SGCZ: variants seen among roughly 807,000 people sequenced by gnomAD.
SGCZ encodes zeta-sarcoglycan.
Under a neutral mutation model 41.3 loss-of-function variants are expected in SGCZ, and 40 were observed. That is an observed-to-expected ratio of 0.97 (90% CI 0.75 to 1.26). The LOEUF is 1.26. Among genes scored for constraint, SGCZ ranks in the 50% most tolerant of loss-of-function variants. The pLI is 0.00. For synonymous variants in SGCZ, 206 were observed against 137.5 expected, an observed-to-expected ratio of 1.50 and a Z score of -3.49; for missense variants, 552 against 369.8, an observed-to-expected ratio of 1.49 and a Z score of -4.04.
intron 1 of SGCZ, among the ~76,000 whole-genome samples, chr8:14,674,938 T>C (rs1475314932): frequency 9.3e-6 from 1 of 107,834 alleles, no homozygotes; most frequent in African/African-American, 4.9e-5. Flanking sequence ...GTTTTTTTTT[T>C]TTTTTTTTTT....
intron 1 of SGCZ, among the ~76,000 whole-genome samples, chr8:14,699,466 T>G (rs559294591): frequency 8.6e-5 from 13 of 151,660 alleles, no homozygotes; most frequent in Non-Finnish European, 1.8e-4. Flanking sequence ...AAAAATGTAC[T>G]CAAAATAGAT....
chr8:14,693,972 A>G (rs1323230021), intron 1 of SGCZ, among the ~76,000 whole-genome samples: 2 of 152,192 alleles, frequency 1.3e-5, no homozygotes, highest in Admixed American at 1.3e-4. Context: ...AGTTATGACC[A>G]AGTTTCCACA....
At chr8:14,400,431 T>C (rs1799039389) in intron 2 of SGCZ, among the ~76,000 whole-genome samples, 1 of 152,128 alleles carries the variant, frequency 6.6e-6, no homozygotes, top group Non-Finnish European at 1.5e-5. Context: ...CTATAAAGAA[T>C]AATACATATA....
At chr8:14,343,483 C>G (rs538531929) in intron 2 of SGCZ, among the ~76,000 whole-genome samples, 7 of 152,310 alleles carry the variant, frequency 4.6e-5, no homozygotes, top group East Asian at 1.9e-4. Context: ...AACTTGGACT[C>G]TACGTATGTT....
At chr8:15,083,970 A>G (rs1031008858) in intron 1 of SGCZ, among the ~76,000 whole-genome samples, 15 of 148,978 alleles carry the variant, frequency 1.0e-4, no homozygotes, top group African/African-American at 2.8e-4. Flanking sequence ...AGTCCTTTAC[A>G]TTCAGTTATC....
At chr8:14,138,732 G>A (rs557484129) in intron 5 of SGCZ, among the ~76,000 whole-genome samples, 6 of 152,116 alleles carry the variant, frequency 3.9e-5, no homozygotes, top group African/African-American at 1.4e-4. Flanking sequence ...ACTCTCACAC[G>A]ATAATAATGG....
At chr8:15,196,914 C>G (rs966764145) in intron 1 of SGCZ, among the ~76,000 whole-genome samples, 1 of 152,118 alleles carries the variant, frequency 6.6e-6, no homozygotes, top group Non-Finnish European at 1.5e-5. Context: ...AGCTGGAGCC[C>G]GTATGTTTTT....
intron 1 of SGCZ, among the ~76,000 whole-genome samples, chr8:14,916,846 G>C (rs527488939): frequency 6.6e-6 from 1 of 151,932 alleles, no homozygotes; most frequent in Admixed American, 6.6e-5. Flanking sequence ...AAAAATAGAC[G>C]CATAGTTATT....
chr8:14,554,920 G>T lies in SGCZ; in HGVS notation c.46C>A (p.Arg16=), dbSNP rs1461105143. 1 of 1,537,850 alleles carries T rather than the reference G, an allele frequency of 6.5e-7. No homozygotes were observed. The highest frequency in any genetic ancestry group is 2.3e-5 in the East Asian group (1 of 43,162). The change falls in exon 2 of 8, where the codon CGA becomes AGA. Residue 16 remains arginine (R), a synonymous_variant. Coordinates refer to ENST00000382080, the MANE Select transcript of SGCZ (RefSeq NM_139167.4). ...NLDIEELKMT[R]EQYILATQQN... is the part of the protein sequence containing the mutation. Reference sequence around the variant, plus strand: ...TGGGTTGCTAGTATGTATTGTTCTCGTGTCATCTGAAAAAGAAAAAAGAAA... The same window carrying T: ...TGGGTTGCTAGTATGTATTGTTCTCTTGTCATCTGAAAAAGAAAAAAGAAA...
intron 1 of SGCZ, among the ~76,000 whole-genome samples, chr8:15,078,720 T>C (rs112825996): frequency 3.1e-4 from 46 of 148,174 alleles, no homozygotes; most frequent in African/African-American, 1.2e-3. Context: ...TGTATATATA[T>C]ACACAAATAT....
At chr8:14,729,922 T>TA in intron 1 of SGCZ, among the ~76,000 whole-genome samples, 1 of 152,158 alleles carries the variant, frequency 6.6e-6, no homozygotes, top group African/African-American at 2.4e-5. Context: ...CCATCTCTAC[T>TA]AAAAATACAG....
chr8:14,824,336 T>C (rs1281909053), intron 1 of SGCZ, among the ~76,000 whole-genome samples: 2 of 152,122 alleles, frequency 1.3e-5, no homozygotes, highest in African/African-American at 4.8e-5. Context: ...CATAGATTTG[T>C]ATCAAAGAAT....
At chr8:15,020,063 T>A (rs1563442738) in intron 1 of SGCZ, among the ~76,000 whole-genome samples, 1 of 151,894 alleles carries the variant, frequency 6.6e-6, no homozygotes, top group Admixed American at 6.6e-5. Flanking sequence ...GATTATAGCA[T>A]CCTCCATCAA....
intron 1 of SGCZ, among the ~76,000 whole-genome samples, chr8:15,143,273 C>T (rs947419835): frequency 5.9e-5 from 9 of 152,232 alleles, no homozygotes; most frequent in Non-Finnish European, 1.2e-4. Context: ...CCTTATATAT[C>T]GGTTTATCAT....
intron 5 of SGCZ, among the ~76,000 whole-genome samples, chr8:14,155,319 G>T (rs867541389): frequency 1.3e-5 from 2 of 151,820 alleles, no homozygotes; most frequent in Non-Finnish European, 2.9e-5. Context: ...TTCCTTTAAC[G>T]TCTTATCAGA....
intron 1 of SGCZ, among the ~76,000 whole-genome samples, chr8:14,907,240 G>C (rs2130770349): frequency 6.6e-6 from 1 of 152,230 alleles, no homozygotes; most frequent in East Asian, 1.9e-4. Context: ...TGTCACTCAG[G>C]ATGAAGTAGA....
intron 3 of SGCZ, among the ~76,000 whole-genome samples, chr8:14,262,948 T>G (rs747780064): frequency 6.6e-6 from 1 of 152,092 alleles, no homozygotes; most frequent in Non-Finnish European, 1.5e-5. Context: ...AGAAATCCCT[T>G]ATTACCTTGA....
chr8:14,117,151 G>C (rs1207040607), intron 5 of SGCZ, among the ~76,000 whole-genome samples: 2 of 151,976 alleles, frequency 1.3e-5, no homozygotes, highest in African/African-American at 2.4e-5. Flanking sequence ...AAAGGTGTTT[G>C]TCCTCTGACC....
At chr8:14,901,513 TG>T (rs1351509568) in intron 1 of SGCZ, among the ~76,000 whole-genome samples, 3 of 152,152 alleles carry the variant, frequency 2.0e-5, no homozygotes, top group Non-Finnish European at 2.9e-5. Context: ...GATTTGAGAT[TG>T]AAAAAATATC....
Sources: gnomAD v4.1 joint callset for allele counts (sites outside exome capture counted in the v4.1 genomes callset) on GRCh38, gnomAD v4.1.1 for gene constraint, MANE v1.5 for transcripts, NCBI Gene and HGNC (gene_info 2026-07-23, HGNC 2026-07-21) for gene names.